TTLL7: variants seen among roughly 807,000 people sequenced by gnomAD.
TTLL7 encodes the protein tubulin tyrosine ligase like 7.
A neutral mutation model predicts 120.2 loss-of-function variants in TTLL7; 53 were observed. The ratio of observed to expected loss-of-function variants is 0.44; its 90% CI spans 0.35 to 0.55. The LOEUF is 0.55. TTLL7 is among the 20% of genes least tolerant of loss of function. The pLI is 0.00. For missense variants in TTLL7, 803 were observed against 1,054.7 expected (o/e 0.76, Z 3.31); for synonymous variants, 353 against 351.7 (o/e 1.00, Z -0.04).
intron 10 of TTLL7, among the ~76,000 whole-genome samples, chr1:83,923,553 G>T (rs1316804935): frequency 6.6e-6 from 1 of 151,970 alleles, no homozygotes; most frequent in Non-Finnish European, 1.5e-5. Flanking sequence ...ACACAAAGAA[G>T]AATAACAAAA....
intron 19 of TTLL7, among the ~76,000 whole-genome samples, chr1:83,888,393 GC>G (rs1225992837): frequency 1.3e-5 from 2 of 151,956 alleles, no homozygotes; most frequent in African/African-American, 4.8e-5. Flanking sequence ...CACCCAGAGC[GC>G]CTTATTAATT....
intron 20 of TTLL7, among the ~76,000 whole-genome samples, chr1:83,880,736 AACT>A (rs1485982010): frequency 7.2e-5 from 11 of 152,134 alleles, no homozygotes; most frequent in African/African-American, 2.7e-4. Context: ...AATTGGAAAA[AACT>A]ACTTTAAAGT....
chr1:83,975,791 A>T (rs997320104), intron 1 of TTLL7, among the ~76,000 whole-genome samples: 4 of 152,142 alleles, frequency 2.6e-5, no homozygotes, highest in Non-Finnish European at 2.9e-5. Context: ...TCTTTTTAGT[A>T]CAGATGTAGT....
intron 11 of TTLL7, 24 bp from the exon 12 acceptor site, chr1:83,921,184 A>C: frequency 6.2e-7 from 1 of 1,609,740 alleles, no homozygotes; most frequent in Non-Finnish European, 8.5e-7. Context: ...AAATTTTACA[A>C]ATAAAATCCA....
chr1:83,901,480 T>C (rs1474033462), intron 18 of TTLL7, among the ~76,000 whole-genome samples: 2 of 151,992 alleles, frequency 1.3e-5, no homozygotes, highest in Non-Finnish European at 2.9e-5. Context: ...ACTCTCTACT[T>C]TTTTAAATTA....
intron 17 of TTLL7, among the ~76,000 whole-genome samples, chr1:83,906,124 C>A (rs953861827): frequency 6.6e-6 from 1 of 151,972 alleles, no homozygotes; most frequent in Non-Finnish European, 1.5e-5. Flanking sequence ...CTTTGTACTG[C>A]TGATTATAAT....
At chr1:83,889,430 G>A (rs1655257310) in intron 19 of TTLL7, among the ~76,000 whole-genome samples, 1 of 151,962 alleles carries the variant, frequency 6.6e-6, no homozygotes, top group African/African-American at 2.4e-5. Flanking sequence ...TTATCTGCTA[G>A]AGACATCAGA....
rs552521637 is a variant in TTLL7 at position 83,899,669 on chromosome 1, T to C, written c.2208+4410A>G. ...TTTTCCTGAAGACTGAATACATCGT[T>C]ACACAAATACATCGCAAGCACAAAG... On this transcript the variant is annotated intron_variant, in intron 18 of 20. Coordinates refer to ENST00000260505, the MANE Select transcript of TTLL7 (RefSeq NM_024686.6). Among the ~76,000 whole-genome samples the C allele has an allele frequency of 1.0e-3, 157 of 152,046 alleles. 1 individual carries two copies. Among genetic ancestry groups the C allele is most frequent in the African/African-American group, 3.7e-3 (153 of 41,524 alleles).
intron 1 of TTLL7, among the ~76,000 whole-genome samples, chr1:83,967,167 T>C (rs1193119428): frequency 6.6e-6 from 1 of 152,050 alleles, no homozygotes; most frequent in East Asian, 1.9e-4. Context: ...TTTGAAGAGG[T>C]TTTTTTAAGT....
chr1:83,996,421 G>T (rs539610890), intron 1 of TTLL7, among the ~76,000 whole-genome samples: 14 of 152,308 alleles, frequency 9.2e-5, no homozygotes, highest in African/African-American at 3.4e-4. Context: ...TATCCAAACA[G>T]TAGATGAGCA....
chr1:83,952,065 T>TA, intron 2 of TTLL7, 89 bp from the exon 3 acceptor site: 1 of 1,512,892 alleles, frequency 6.6e-7, no homozygotes, highest in Non-Finnish European at 9.1e-7. Context: ...CACACCAAGG[T>TA]AAAATTACAA....
chr1:83,923,698 T>A (rs1340592866), intron 10 of TTLL7, among the ~76,000 whole-genome samples: 1 of 152,170 alleles, frequency 6.6e-6, no homozygotes, highest in Non-Finnish European at 1.5e-5. Context: ...ACTATTTGCA[T>A]TTCTATGAAT....
At chr1:83,870,932 A>G (rs1337583043) in intron 20 of TTLL7, among the ~76,000 whole-genome samples, 4 of 151,268 alleles carry the variant, frequency 2.6e-5, no homozygotes, top group African/African-American at 9.8e-5. Context: ...AATCATGATT[A>G]CGGGTTGCAT....
chr1:83,935,117 T>G (rs1571235623), intron 8 of TTLL7, among the ~76,000 whole-genome samples: 1 of 152,188 alleles, frequency 6.6e-6, no homozygotes, highest in East Asian at 1.9e-4. Flanking sequence ...TGAGAGGCTG[T>G]TTTCAAAAAA....
intron 12 of TTLL7, chr1:83,920,715 T>C (rs113779132): frequency 0.024 from 4,995 of 206,138 alleles, 83 homozygotes; most frequent in Non-Finnish European, 0.034. Context: ...CATACCTAAC[T>C]CCTTCAAACA....
Position 83,890,313 on chromosome 1 carries a change from G to T in TTLL7, c.2369+8C>A. 6.2e-7 allele frequency: 1 copy of T among 1,604,778 alleles called. No individual in the cohort carries two copies. The highest frequency in any genetic ancestry group is 8.5e-7 in the Non-Finnish European group (1 of 1,177,046). ...AATGACGATAATAAAAGATGACTTA[G>T]AGCTTACCCTGAATCACAGAAACAG... On this transcript the variant is annotated splice_region_variant and intron_variant, in intron 19 of 20. Coordinates refer to ENST00000260505, the MANE Select transcript of TTLL7 (RefSeq NM_024686.6).
Position 83,917,246 on chromosome 1 carries a change from G to T in TTLL7, c.1587+358C>A, listed in dbSNP as rs191426265. 3.2e-3 allele frequency among the ~76,000 whole-genome samples: 482 copies of T among 152,212 alleles called. 1 individual carries two copies. Among genetic ancestry groups the T allele is most frequent in the South Asian group, 0.013 (62 of 4,824 alleles). On this transcript the variant is annotated intron_variant, in intron 14 of 20. Transcript: ENST00000260505. ...AGGGCTTCTAATTAGGGTCTCTAGAGTTCATGATTTGCCTTATTTATAATG... is the reference window on the plus strand; with the variant it reads ...AGGGCTTCTAATTAGGGTCTCTAGATTTCATGATTTGCCTTATTTATAATG...
At chr1:83,937,012 T>C (rs2100830819) in intron 8 of TTLL7, among the ~76,000 whole-genome samples, 1 of 152,260 alleles carries the variant, frequency 6.6e-6, no homozygotes, top group South Asian at 2.1e-4. Context: ...GAAAGTAAGA[T>C]AAAAATGTCA....
At chr1:83,961,380 A>G (rs1034376148) in intron 1 of TTLL7, among the ~76,000 whole-genome samples, 1 of 152,132 alleles carries the variant, frequency 6.6e-6, no homozygotes, top group African/African-American at 2.4e-5. Flanking sequence ...AGCCATATGG[A>G]AAAAGGCAAA....
Sources: gnomAD v4.1 joint callset for allele counts (sites outside exome capture counted in the v4.1 genomes callset) on GRCh38, gnomAD v4.1.1 for gene constraint, MANE v1.5 for transcripts, NCBI Gene and HGNC (gene_info 2026-07-23, HGNC 2026-07-21) for gene names.